Variants in RSU1 observed in about 807,000 individuals in gnomAD.
RSU1 encodes Ras suppressor protein 1.
In RSU1, 26 loss-of-function variants were observed where a neutral mutation model predicts 31.1. The observed-to-expected ratio is 0.84, with a 90% confidence interval of 0.61 to 1.16. The LOEUF (loss-of-function observed/expected upper bound fraction) is 1.16, where lower values mean the gene tolerates loss of function less well. Ranked by LOEUF, RSU1 falls within the 50% of genes most tolerant of loss-of-function variation. The probability of loss-of-function intolerance (pLI) is 0.00; values close to 1 mark genes in which losing one functional copy is unlikely to be tolerated. For synonymous variants in RSU1, 164 were observed against 136.3 expected, an observed-to-expected ratio of 1.20 and a Z score of -1.41; for missense variants, 320 against 339.1, an observed-to-expected ratio of 0.94 and a Z score of 0.44.
chr10:16,760,934 G>A (rs180786623), intron 4 of RSU1, among the ~76,000 whole-genome samples: 9 of 152,070 alleles, frequency 5.9e-5, no homozygotes, highest in Non-Finnish European at 7.4e-5. Context: ...ATTGGAGCTC[G>A]TTTATTTATT....
intron 3 of RSU1, among the ~76,000 whole-genome samples, chr10:16,776,353 T>C (rs1837530719): frequency 6.6e-6 from 1 of 152,196 alleles, no homozygotes; most frequent in Non-Finnish European, 1.5e-5. Context: ...AATTTAAAAG[T>C]ATTAAATTCT....
At chr10:16,740,354 T>A (rs1378025842) in intron 7 of RSU1, among the ~76,000 whole-genome samples, 4 of 152,150 alleles carry the variant, frequency 2.6e-5, no homozygotes, top group Non-Finnish European at 5.9e-5. Flanking sequence ...ATTTGTAAAA[T>A]CTGACAAGGT....
intron 7 of RSU1, among the ~76,000 whole-genome samples, chr10:16,696,127 T>C (rs967686593): frequency 2.0e-5 from 3 of 152,248 alleles, no homozygotes; most frequent in African/African-American, 7.2e-5. Flanking sequence ...TGTGAAGGTC[T>C]GTCCCTAAAA....
At chr10:16,691,722 C>CTTT (rs58786188) in intron 8 of RSU1, among the ~76,000 whole-genome samples, 16 of 106,042 alleles carry the variant, frequency 1.5e-4, no homozygotes, top group Non-Finnish European at 1.6e-4. Context: ...GCTGCTGCTT[C>CTTT]TTTTTTTTTT....
Position 16,763,106 on chromosome 10 carries a change from T to C in RSU1, c.281+1284A>G, listed in dbSNP as rs953902136. Among the ~76,000 whole-genome samples, 86 of 152,176 alleles carry C rather than the reference T, an allele frequency of 5.7e-4. 5 individuals carry two copies. Among genetic ancestry groups the C allele is most frequent in the Non-Finnish European group, 4.4e-5 (3 of 68,042 alleles). ...GAGCATTTAGTGGCTACAAATTTAA[T>C]GAACATATGACTTTGCACAGAGACT... On this transcript the variant is annotated intron_variant, in intron 4 of 8. Coordinates refer to ENST00000345264, the MANE Select transcript of RSU1 (RefSeq NM_012425.4).
chr10:16,642,562 T>C (rs1410443430), intron 8 of RSU1, among the ~76,000 whole-genome samples: 1 of 152,212 alleles, frequency 6.6e-6, no homozygotes, highest in African/African-American at 2.4e-5. Context: ...TGTCTTTTAA[T>C]ATGGTAGGTA....
intron 7 of RSU1, among the ~76,000 whole-genome samples, chr10:16,739,694 C>A (rs188977036): frequency 6.6e-6 from 1 of 152,174 alleles, no homozygotes; most frequent in Non-Finnish European, 1.5e-5. Context: ...TCTCAGCTCA[C>A]TCCACTTCCT....
chr10:16,794,664 C>G (rs192303057), intron 2 of RSU1, among the ~76,000 whole-genome samples: 11 of 152,306 alleles, frequency 7.2e-5, no homozygotes, highest in Non-Finnish European at 1.3e-4. Context: ...CACGGGCCAG[C>G]AGAATCAGAA....
intron 8 of RSU1, among the ~76,000 whole-genome samples, chr10:16,626,128 C>T (rs1350538409): frequency 1.3e-5 from 2 of 151,898 alleles, no homozygotes; most frequent in African/African-American, 4.8e-5. Context: ...TCAGTGCAGC[C>T]TCATCCTCCC....
rs551141896 is a variant in RSU1 at position 16,709,744 on chromosome 10, C to A, written c.599-14589G>T. On this transcript the variant is annotated intron_variant, in intron 7 of 8. Transcript: ENST00000345264. ...TTTTGATTTGCATTTCTCTGATGGC[C>A]AGTGATGATGAGCATTTTTTCATGT... 4.1e-4 allele frequency among the ~76,000 whole-genome samples: 62 copies of A among 152,216 alleles called. No homozygotes were observed. The East Asian group carries it at 0.011, about 28-fold the overall frequency.
At chr10:16,716,232 G>A (rs964272639) in intron 7 of RSU1, among the ~76,000 whole-genome samples, 7 of 152,230 alleles carry the variant, frequency 4.6e-5, no homozygotes, top group Non-Finnish European at 8.8e-5. Context: ...GGCAGGCTAA[G>A]GGAGGTGGGT....
intron 8 of RSU1, among the ~76,000 whole-genome samples, chr10:16,689,246 A>G (rs1238020666): frequency 1.3e-5 from 2 of 152,222 alleles, no homozygotes; most frequent in African/African-American, 4.8e-5. Context: ...ATCACCTGCT[A>G]GCTCTGTGCA....
intron 3 of RSU1, among the ~76,000 whole-genome samples, chr10:16,776,002 T>G (rs1837521336): frequency 6.6e-6 from 1 of 152,210 alleles, no homozygotes. Flanking sequence ...CCCCTCATGG[T>G]TTAATTTCAT....
At chr10:16,778,070 G>C (rs1337683123) in intron 3 of RSU1, among the ~76,000 whole-genome samples, 3 of 147,526 alleles carry the variant, frequency 2.0e-5, no homozygotes, top group African/African-American at 2.6e-5. Flanking sequence ...ACCCAGGCTG[G>C]AGTGCAGTAG....
intron 7 of RSU1, among the ~76,000 whole-genome samples, chr10:16,732,416 G>C (rs1836533429): frequency 6.6e-6 from 1 of 152,126 alleles, no homozygotes; most frequent in Non-Finnish European, 1.5e-5. Context: ...CTTATAAATA[G>C]GATTAGTGCT....
chr10:16,768,643 A>C (rs1399274582), intron 3 of RSU1, among the ~76,000 whole-genome samples: 2 of 152,210 alleles, frequency 1.3e-5, no homozygotes, highest in African/African-American at 4.8e-5. Context: ...ACAAATCTCA[A>C]AGTTTCTTCT....
chr10:16,679,051 A>C (rs1024853877), intron 8 of RSU1, among the ~76,000 whole-genome samples: 1 of 152,222 alleles, frequency 6.6e-6, no homozygotes, highest in Non-Finnish European at 1.5e-5. Context: ...AAAAATAACG[A>C]AGCACCATAG....
intron 2 of RSU1, among the ~76,000 whole-genome samples, chr10:16,800,161 T>G (rs949196225): frequency 4.2e-4 from 64 of 152,130 alleles, no homozygotes; most frequent in African/African-American, 1.5e-3. Flanking sequence ...CTCAGTTCCT[T>G]TTACCCAATG....
At chr10:16,695,796 A>C (rs1019357430) in intron 7 of RSU1, among the ~76,000 whole-genome samples, 4 of 152,234 alleles carry the variant, frequency 2.6e-5, no homozygotes, top group Non-Finnish European at 4.4e-5. Flanking sequence ...AAACTTAAGG[A>C]AATTAACTAA....
Sources: gnomAD v4.1 joint callset for allele counts (sites outside exome capture counted in the v4.1 genomes callset) on GRCh38, gnomAD v4.1.1 for gene constraint, MANE v1.5 for transcripts, NCBI Gene and HGNC (gene_info 2026-07-23, HGNC 2026-07-21) for gene names.